The following C6 variants were observed in gnomAD, a reference collection of about 807,000 sequenced individuals.
C6 encodes the protein complement C6, also known as complement component C6.
Under a neutral mutation model 112.9 loss-of-function variants are expected in C6, and 101 were observed. The observed-to-expected ratio is 0.89, with a 90% CI of 0.76 to 1.06. The LOEUF (loss-of-function observed/expected upper bound fraction) is 1.06. Ranked by LOEUF, C6 falls within the 50% of genes least tolerant of loss-of-function variation. The pLI, the probability that C6 is intolerant of heterozygous loss-of-function variation, is 0.00. For missense variants in C6, 1,202 were observed against 1,104.6 expected (o/e 1.09, Z -1.25); for synonymous variants, 431 against 384.1 (o/e 1.12, Z -1.43).
At chr5:41,168,298 G>C (rs1269324899) in intron 9 of C6, among the ~76,000 whole-genome samples, 1 of 152,188 alleles carries the variant, frequency 6.6e-6, no homozygotes, top group Non-Finnish European at 1.5e-5. Context: ...AGAGGTGGAA[G>C]TGGGCCAGCC....
At chr5:41,158,470 A>C (rs6865420) in intron 13 of C6, among the ~76,000 whole-genome samples, 131,811 of 152,148 alleles carry the variant, frequency 0.87, 57,199 homozygotes, top group Admixed American at 0.91. Context: ...AATCTGCTAT[A>C]CTTTAGTCTA....
rs537049045 is a variant in C6, at chr5:41,142,128, C to G, written c.*697G>C. The G allele has an allele frequency of 6.6e-6, 1 of 152,216 alleles. No individual in the cohort carries two copies. Among genetic ancestry groups the G allele is most frequent in the African/African-American group, 2.4e-5 (1 of 41,408 alleles). 9.4% of individuals were successfully genotyped at this position (152,216 alleles called of 1,614,324 possible). A position where few individuals can be genotyped will look rare whatever the true frequency, so the allele number is the denominator to read the frequency against. Reference sequence around the variant, plus strand: ...CACTGGAGCTCAATCATCCTTACAGCGATGTTTATTGTTATGGAATATTTC... The same window carrying G: ...CACTGGAGCTCAATCATCCTTACAGGGATGTTTATTGTTATGGAATATTTC... On this transcript the variant is annotated 3_prime_UTR_variant, in exon 18 of 18. Transcript: ENST00000337836.
intron 5 of C6, among the ~76,000 whole-genome samples, chr5:41,191,704 C>T (rs1435135280): frequency 6.6e-6 from 1 of 151,154 alleles, no homozygotes; most frequent in Non-Finnish European, 1.5e-5. Flanking sequence ...TTCCCTCTAG[C>T]TCGTGATAAT....
rs1745426660 is a variant in C6, at chr5:41,142,316, T to C, written c.*509A>G. The C allele has an allele frequency of 6.3e-6, 1 of 159,442 alleles. No individual in the cohort carries two copies. Among genetic ancestry groups the C allele is most frequent in the Admixed American group, 5.8e-5 (1 of 17,148 alleles). The allele number at this position is 159,442 out of a possible 1,614,324, so 9.9% of individuals were successfully genotyped here. ...TGCTTCATGAAGGCAAAGGCTTTTGTCTGTTTTATTATCTGCCGAGTTCTC... is the reference window on the plus strand; with the variant it reads ...TGCTTCATGAAGGCAAAGGCTTTTGCCTGTTTTATTATCTGCCGAGTTCTC... On this transcript the variant is annotated 3_prime_UTR_variant, in exon 18 of 18. Transcript: ENST00000337836.
intron 1 of C6, among the ~76,000 whole-genome samples, chr5:41,218,744 A>G (rs1277643394): frequency 1.3e-5 from 2 of 152,146 alleles, no homozygotes; most frequent in African/African-American, 2.4e-5. Flanking sequence ...TAGAAATACT[A>G]TTTAAACACA....
intron 9 of C6, among the ~76,000 whole-genome samples, chr5:41,170,519 T>G (rs925334444): frequency 2.0e-5 from 3 of 152,034 alleles, no homozygotes; most frequent in African/African-American, 7.2e-5. Flanking sequence ...TGTATTCATA[T>G]TTTGGTTAAT....
chr5:41,257,828 A>AT (rs1209660721), intron 1 of C6, among the ~76,000 whole-genome samples: 2 of 152,042 alleles, frequency 1.3e-5, no homozygotes, highest in South Asian at 2.1e-4. Context: ...TTCCCTTTTT[A>AT]TTTTTTTGGC....
chr5:41,222,581 G>A (rs139769597), intron 1 of C6, among the ~76,000 whole-genome samples: 1 of 152,126 alleles, frequency 6.6e-6, no homozygotes, highest in Non-Finnish European at 1.5e-5. Flanking sequence ...ATGGAAAAAA[G>A]TTTGAAGAGT....
chr5:41,168,887 C>G (rs996011023), intron 9 of C6, among the ~76,000 whole-genome samples: 15 of 152,264 alleles, frequency 9.9e-5, no homozygotes, highest in African/African-American at 2.9e-4. Context: ...GAATGGCAAG[C>G]CTTGTAGAGA....
At chr5:41,248,517 T>C (rs2150435089) in intron 1 of C6, among the ~76,000 whole-genome samples, 1 of 152,196 alleles carries the variant, frequency 6.6e-6, no homozygotes, top group Middle Eastern at 3.4e-3. Context: ...GGCAAAAACA[T>C]GAACAGACAT....
chr5:41,251,870 A>C (rs1741384077), intron 1 of C6, among the ~76,000 whole-genome samples: 1 of 152,200 alleles, frequency 6.6e-6, no homozygotes, highest in African/African-American at 2.4e-5. Flanking sequence ...GTGGTTAGAA[A>C]CATGAAGCAA....
At chr5:41,247,931 T>C (rs1741123063) in intron 1 of C6, among the ~76,000 whole-genome samples, 1 of 152,178 alleles carries the variant, frequency 6.6e-6, no homozygotes, top group African/African-American at 2.4e-5. Context: ...CTTCAGATTA[T>C]ACTATAAACC....
At chr5:41,189,526 T>C (rs1750036005) in intron 5 of C6, among the ~76,000 whole-genome samples, 1 of 152,104 alleles carries the variant, frequency 6.6e-6, no homozygotes, top group Non-Finnish European at 1.5e-5. Context: ...TAATTGTACA[T>C]ATTTATGGGG....
intron 6 of C6, among the ~76,000 whole-genome samples, chr5:41,185,487 C>G (rs181723060): frequency 6.6e-6 from 1 of 152,108 alleles, no homozygotes; most frequent in Non-Finnish European, 1.5e-5. Context: ...TTTAGTGCAA[C>G]GAGTATGGAG....
Position 41,145,203 on chromosome 5 carries a change from G to A in C6, c.2624-2197C>T, listed in dbSNP as rs539174261. Among the ~76,000 whole-genome samples the A allele has an allele frequency of 4.6e-5, 7 of 152,296 alleles. No homozygotes were observed. The South Asian group carries it at 1.5e-3, about 32-fold the overall frequency. ...CGCCACACTGCTTTCCACAATGGTT[G>A]AACTAAAGCAGATCTTTTATTTAGC... On this transcript the variant is annotated intron_variant, in intron 17 of 17. Coordinates refer to ENST00000337836, the MANE Select transcript of C6 (RefSeq NM_000065.5).
upstream of C6, among the ~76,000 whole-genome samples, chr5:41,215,874 T>C (rs1310935584): frequency 1.3e-5 from 2 of 152,160 alleles, no homozygotes; most frequent in Non-Finnish European, 2.9e-5. Flanking sequence ...AGCTGCTATC[T>C]GAAGGCTTTT....
intron 1 of C6, among the ~76,000 whole-genome samples, chr5:41,206,541 G>A (rs1349702960): frequency 6.6e-6 from 1 of 152,178 alleles, no homozygotes; most frequent in African/African-American, 2.4e-5. Flanking sequence ...ATGACCTGAT[G>A]GAGCTGAAAA....
chr5:41,173,053 C>T (rs972206368), intron 8 of C6, among the ~76,000 whole-genome samples: 2 of 152,100 alleles, frequency 1.3e-5, no homozygotes, highest in Non-Finnish European at 2.9e-5. Context: ...TTAATTCAAG[C>T]CTGTACTTGA....
At chr5:41,185,985 C>T (rs1749733798) in intron 6 of C6, 85 bp downstream of exon 6, 4 of 1,524,864 alleles carry the variant, frequency 2.6e-6, no homozygotes, top group South Asian at 2.3e-5. Flanking sequence ...TATTCTGTCC[C>T]TTCATTCATC....
Sources: gnomAD v4.1 joint callset for allele counts (sites outside exome capture counted in the v4.1 genomes callset) on GRCh38, gnomAD v4.1.1 for gene constraint, MANE v1.5 for transcripts, NCBI Gene and HGNC (gene_info 2026-07-23, HGNC 2026-07-21) for gene names.